Variants in MRTFA observed in about 807,000 individuals in gnomAD.
MRTFA encodes the protein myocardin related transcription factor A, also known as myocardin-related transcription factor A.
In MRTFA, 20 loss-of-function variants were observed where a neutral mutation model predicts 83.5. The observed-to-expected ratio is 0.24, with a 90% CI of 0.17 to 0.35. MRTFA has a LOEUF of 0.35. MRTFA is among the 10% of genes least tolerant of loss of function. The pLI is 1.00. For missense variants in MRTFA, 1,200 were observed against 1,224.7 expected (o/e 0.98, Z 0.30); for synonymous variants, 659 against 541.2 (o/e 1.22, Z -3.02).
intron 3 of MRTFA, among the ~76,000 whole-genome samples, chr22:40,502,699 G>C (rs1236849430): frequency 6.6e-6 from 1 of 151,312 alleles, no homozygotes; most frequent in African/African-American, 2.4e-5. Flanking sequence ...GGCCAAGGCA[G>C]GCGGCTGCTC....
At chr22:40,478,706 G>T (rs1216328290) in intron 3 of MRTFA, among the ~76,000 whole-genome samples, 1 of 152,092 alleles carries the variant, frequency 6.6e-6, no homozygotes, top group Non-Finnish European at 1.5e-5. Context: ...GGGATACCAA[G>T]GTACAACATT....
chr22:40,420,672 G>C, intron 10 of MRTFA, 96 bp from the exon 11 acceptor site: 1 of 1,550,772 alleles, frequency 6.4e-7, no homozygotes, highest in Non-Finnish European at 8.7e-7. Flanking sequence ...GGTACAGATG[G>C]GCATGGGGCA....
chr22:40,519,100 C>G (rs1602372960), intron 3 of MRTFA, among the ~76,000 whole-genome samples: 1 of 151,656 alleles, frequency 6.6e-6, no homozygotes, highest in East Asian at 2.0e-4. Flanking sequence ...CAACCTCTGC[C>G]TCCCGGTCTC....
intron 10 of MRTFA, 50 bp downstream of exon 10, chr22:40,420,797 C>A: frequency 6.2e-7 from 1 of 1,606,074 alleles, no homozygotes; most frequent in East Asian, 2.2e-5. Flanking sequence ...CTGCCTGGCT[C>A]AGGGTGGCTC....
At chr22:40,506,321 A>G (rs149376857) in intron 3 of MRTFA, among the ~76,000 whole-genome samples, 4 of 152,318 alleles carry the variant, frequency 2.6e-5, no homozygotes, top group East Asian at 1.9e-4. Flanking sequence ...CCCTTCTTGA[A>G]TGTGATCTGC....
intron 7 of MRTFA, among the ~76,000 whole-genome samples, chr22:40,425,515 C>T (rs2052935753): frequency 6.6e-6 from 1 of 152,138 alleles, no homozygotes; most frequent in African/African-American, 2.4e-5. Flanking sequence ...GGGCCAGGGC[C>T]AGGACCTGAG....
chr22:40,500,656 T>C (rs2054451054), intron 3 of MRTFA, among the ~76,000 whole-genome samples: 1 of 151,568 alleles, frequency 6.6e-6, no homozygotes, highest in Non-Finnish European at 1.5e-5. Context: ...CCGCCCTTAA[T>C]CCATTTAACC....
chr22:40,462,196 G>C (rs1175975756), intron 4 of MRTFA, among the ~76,000 whole-genome samples: 1 of 152,190 alleles, frequency 6.6e-6, no homozygotes, highest in Non-Finnish European at 1.5e-5. Context: ...CTTACCAACT[G>C]CATTTCAAGG....
At chr22:40,459,784 C>T (rs183438976) in intron 4 of MRTFA, among the ~76,000 whole-genome samples, 1,628 of 65,376 alleles carry the variant, frequency 0.025, 16 homozygotes, top group Middle Eastern at 0.047. Flanking sequence ...ATAAAATATA[C>T]ACACACACAC....
chr22:40,625,708 G>A (rs998816418), intron 1 of MRTFA, among the ~76,000 whole-genome samples: 3 of 152,114 alleles, frequency 2.0e-5, no homozygotes, highest in Non-Finnish European at 4.4e-5. Context: ...GAACCCCGGA[G>A]GCAGAGATTG....
intron 3 of MRTFA, among the ~76,000 whole-genome samples, chr22:40,518,562 G>A (rs945201689): frequency 6.6e-6 from 1 of 151,996 alleles, no homozygotes; most frequent in Non-Finnish European, 1.5e-5. Context: ...GGGAGGCCGA[G>A]GTGGGCGGAT....
chr22:40,519,256 G>A (rs1002288457), intron 3 of MRTFA, among the ~76,000 whole-genome samples: 2 of 152,206 alleles, frequency 1.3e-5, no homozygotes, highest in Non-Finnish European at 2.9e-5. Flanking sequence ...CCCGAAAAAT[G>A]AGTGAGGATG....
At position 40,551,317 on chromosome 22, in the gene MRTFA, G is replaced by A. The variant is rs537671445; in HGVS notation, c.241+789C>T. On this transcript the variant is annotated intron_variant, in intron 3 of 14. Transcript: ENST00000355630. ...TGTTAAAAGAAAGAGACCAGATTCT[G>A]CAAAGCCTTATAAAACATGCCAAGA... Among the ~76,000 whole-genome samples the A allele has an allele frequency of 3.3e-5, 5 of 152,176 alleles. 1 individual carries two copies. Among genetic ancestry groups the A allele is most frequent in the Admixed American group, 3.3e-4 (5 of 15,268 alleles).
intron 3 of MRTFA, among the ~76,000 whole-genome samples, chr22:40,528,032 T>A (rs951148564): frequency 6.6e-6 from 1 of 152,214 alleles, no homozygotes; most frequent in Non-Finnish European, 1.5e-5. Context: ...CAGGAAGATG[T>A]AAGCCAGAAT....
Position 40,411,124 on chromosome 22 carries a change from G to A in MRTFA, c.*266C>T, listed in dbSNP as rs1047613907. The A allele has an allele frequency of 1.1e-4, 41 of 361,628 alleles. No individual in the cohort carries two copies. The highest frequency in any genetic ancestry group is 3.1e-4 in the Admixed American group (7 of 22,362). The allele number at this position is 361,628 out of a possible 1,614,324, so 22.4% of individuals were successfully genotyped here. Reference sequence around the variant, plus strand: ...CCCTGACCTCAAAAAAGGAGGTCAAGCTGAAATGGCCCTGACCCTGACCGT... The same window carrying A: ...CCCTGACCTCAAAAAAGGAGGTCAAACTGAAATGGCCCTGACCCTGACCGT... On this transcript the variant is annotated 3_prime_UTR_variant, in exon 15 of 15. Coordinates refer to ENST00000355630, the MANE Select transcript of MRTFA (RefSeq NM_020831.6).
At chr22:40,516,007 T>G (rs1218330264) in intron 3 of MRTFA, among the ~76,000 whole-genome samples, 2 of 152,208 alleles carry the variant, frequency 1.3e-5, no homozygotes, top group African/African-American at 4.8e-5. Context: ...ATATATTTAG[T>G]AACATTGAAT....
intron 3 of MRTFA, among the ~76,000 whole-genome samples, chr22:40,531,909 T>C (rs1383302012): frequency 3.3e-5 from 5 of 152,204 alleles, no homozygotes; most frequent in Admixed American, 2.6e-4. Context: ...ACTGGAGATA[T>C]CAGTTTGCTA....
At chr22:40,551,763 G>A (rs370841477) in intron 3 of MRTFA, among the ~76,000 whole-genome samples, 21 of 152,156 alleles carry the variant, frequency 1.4e-4, no homozygotes, top group African/African-American at 5.1e-4. Flanking sequence ...AAGGCTATAC[G>A]ATAGAGTATG....
At chr22:40,434,380 TAAAAAAAA>T (rs113759032) in intron 5 of MRTFA, among the ~76,000 whole-genome samples, 1 of 133,026 alleles carries the variant, frequency 7.5e-6, no homozygotes, top group Non-Finnish European at 1.6e-5. Context: ...AAAGAAAGTT[TAAAAAAAA>T]AAAAAAAAAG....
Sources: allele counts gnomAD v4.1 joint callset (sites outside exome capture counted in the v4.1 genomes callset), GRCh38; gene constraint gnomAD v4.1.1; transcripts MANE v1.5; gene names NCBI Gene and HGNC (gene_info 2026-07-23, HGNC 2026-07-21).